Variants in TNFAIP8 observed in about 807,000 individuals in gnomAD.
The protein encoded by TNFAIP8 is TNF alpha induced protein 8, also known as tumor necrosis factor alpha-induced protein 8.
A neutral mutation model predicts 13.3 loss-of-function variants in TNFAIP8; 7 were observed. The observed-to-expected ratio is 0.52, with a 90% confidence interval of 0.30 to 0.99. The LOEUF (loss-of-function observed/expected upper bound fraction) is 0.99. Ranked by LOEUF, TNFAIP8 falls within the 50% of genes least tolerant of loss-of-function variation. The probability of loss-of-function intolerance (pLI) is 0.07; values close to 1 mark genes in which losing one functional copy is unlikely to be tolerated. For missense variants in TNFAIP8, 258 were observed against 236.9 expected, an observed-to-expected ratio of 1.09 and a Z score of -0.58; for synonymous variants, 94 against 87.6, an observed-to-expected ratio of 1.07 and a Z score of -0.41.
chr5:119,305,513 T>A (rs1749522913), intron 1 of TNFAIP8, among the ~76,000 whole-genome samples: 1 of 150,396 alleles, frequency 6.6e-6, no homozygotes, highest in African/African-American at 2.5e-5. Flanking sequence ...GAGGATCACA[T>A]GAGCCCAGGA....
rs59714206 is a variant in TNFAIP8, at chr5:119,334,624, C to CGTGTGTGTGT, written c.2-58165_2-58156dup. Among the ~76,000 whole-genome samples, 996 of 135,766 alleles carry CGTGTGTGTGT rather than the reference C, an allele frequency of 7.3e-3. 13 individuals carry two copies. Among genetic ancestry groups the CGTGTGTGTGT allele is most frequent in the East Asian group, 0.032 (149 of 4,706 alleles). The allele number at this position is 135,766 out of a possible 152,430, so 89.1% of individuals were successfully genotyped here. The stretch of plus-strand genomic sequence containing the variant: ...CCTAGAGCTGTGCATGTGATCCTTT[C>CGTGTGTGTGT]GTGTGTGTGTGTGTGTGTGTGTGTG... On this transcript the variant is annotated intron_variant, in intron 1 of 1. Coordinates refer to the TNFAIP8 transcript ENST00000274456.
At chr5:119,297,629 G>A (rs1281498996) in intron 1 of TNFAIP8, among the ~76,000 whole-genome samples, 6 of 152,178 alleles carry the variant, frequency 3.9e-5, no homozygotes, top group Non-Finnish European at 7.3e-5. Context: ...GGTCCGCTTG[G>A]TGCAGAGCTG....
chr5:119,336,810 A>G (rs1750565098), intron 1 of TNFAIP8, among the ~76,000 whole-genome samples: 1 of 152,240 alleles, frequency 6.6e-6, no homozygotes, highest in Non-Finnish European at 1.5e-5. Flanking sequence ...AATGTTATTT[A>G]AAATGAATTT....
chr5:119,331,007 G>T (rs1750359520), intron 1 of TNFAIP8, among the ~76,000 whole-genome samples: 1 of 152,032 alleles, frequency 6.6e-6, no homozygotes, highest in Non-Finnish European at 1.5e-5. Context: ...CTTTCACGAA[G>T]CTAGGCCTGG....
At chr5:119,320,702 C>T (rs1464795741) in intron 1 of TNFAIP8, among the ~76,000 whole-genome samples, 1 of 150,584 alleles carries the variant, frequency 6.6e-6, no homozygotes, top group Non-Finnish European at 1.5e-5. Context: ...CTTGTAACCA[C>T]CCCCACCCCC....
At chr5:119,301,621 C>G (rs980697505) in intron 1 of TNFAIP8, among the ~76,000 whole-genome samples, 1 of 152,170 alleles carries the variant, frequency 6.6e-6, no homozygotes, top group Non-Finnish European at 1.5e-5. Flanking sequence ...GGTAGGCCCT[C>G]AGGGAATATG....
intron 1 of TNFAIP8, among the ~76,000 whole-genome samples, chr5:119,346,732 A>T (rs1750912921): frequency 6.6e-6 from 1 of 152,232 alleles, no homozygotes; most frequent in Non-Finnish European, 1.5e-5. Flanking sequence ...CATTCATGCA[A>T]GCATCTGAGA....
At chr5:119,330,770 A>C (rs898218900) in intron 1 of TNFAIP8, among the ~76,000 whole-genome samples, 1 of 152,112 alleles carries the variant, frequency 6.6e-6, no homozygotes, top group African/African-American at 2.4e-5. Context: ...GTGTTTGCAG[A>C]GAGATAGAGA....
intron 1 of TNFAIP8, among the ~76,000 whole-genome samples, chr5:119,381,770 T>G (rs1752494319): frequency 6.6e-6 from 1 of 151,862 alleles, no homozygotes; most frequent in Non-Finnish European, 1.5e-5. Context: ...CCGTCTCTAC[T>G]AAAAATACAA....
chr5:119,383,753 A>G (rs150364604), intron 1 of TNFAIP8, among the ~76,000 whole-genome samples: 23 of 152,366 alleles, frequency 1.5e-4, no homozygotes, highest in African/African-American at 5.5e-4. Flanking sequence ...GGTGGCAAAG[A>G]TGAGAAAGAG....
chr5:119,310,457 G>T (rs2078292146), intron 1 of TNFAIP8, among the ~76,000 whole-genome samples: 2 of 152,354 alleles, frequency 1.3e-5, no homozygotes, highest in Middle Eastern at 3.4e-3. Flanking sequence ...TCACGGTAGG[G>T]ACAAGGAAGA....
At chr5:119,375,271 C>T (rs1419636606) in intron 1 of TNFAIP8, among the ~76,000 whole-genome samples, 2 of 152,154 alleles carry the variant, frequency 1.3e-5, no homozygotes, top group Non-Finnish European at 2.9e-5. Context: ...TGTTTTTCTT[C>T]CTGTGGTCTC....
upstream of TNFAIP8, among the ~76,000 whole-genome samples, chr5:119,351,788 C>CTTTTTTTT (rs1177061965): frequency 2.0e-3 from 283 of 138,238 alleles, 4 homozygotes; most frequent in African/African-American, 8.1e-3. Flanking sequence ...TTTTCTTTTT[C>CTTTTTTTT]TTTTTTTCTT....
At chr5:119,278,368 AGAGAGAGAGTGTGTGT>A (rs1460721511) in intron 1 of TNFAIP8, among the ~76,000 whole-genome samples, 273 of 135,472 alleles carry the variant, frequency 2.0e-3, no homozygotes, top group African/African-American at 7.3e-3. Context: ...AGAGAGAGAG[AGAGAGAGAGTGTGTGT>A]GTGTGTGTGT....
intron 1 of TNFAIP8, among the ~76,000 whole-genome samples, chr5:119,275,451 G>A (rs1428335483): frequency 6.6e-6 from 1 of 152,198 alleles, no homozygotes; most frequent in South Asian, 2.1e-4. Context: ...AGCGGCGCAT[G>A]TTTGGAAGAG....
chr5:119,355,393 G>A (rs1199825653), upstream of TNFAIP8: 1 of 702,314 alleles, frequency 1.4e-6, no homozygotes, highest in South Asian at 1.5e-5. Context: ...CTGTGCAAAG[G>A]TAAGGGTGGA....
At chr5:119,288,288 T>G (rs1411594810) in intron 1 of TNFAIP8, among the ~76,000 whole-genome samples, 1 of 152,192 alleles carries the variant, frequency 6.6e-6, no homozygotes, top group Non-Finnish European at 1.5e-5. Flanking sequence ...AATGAAACAA[T>G]TGGAGTTCAG....
chr5:119,334,711 T>G (rs1409136246), intron 1 of TNFAIP8, among the ~76,000 whole-genome samples: 1 of 150,050 alleles, frequency 6.7e-6, no homozygotes, highest in East Asian at 2.0e-4. Flanking sequence ...GAGGTGGAGA[T>G]TTCAGTGAGC....
chr5:119,349,357 CATT>C lies in TNFAIP8; in HGVS notation c.2-43456_2-43454del, dbSNP rs533156369. Among the ~76,000 whole-genome samples, 140 of 152,326 alleles carry C rather than the reference CATT, an allele frequency of 9.2e-4. 1 individual carries two copies. The highest frequency in any genetic ancestry group is 3.3e-3 in the African/African-American group (136 of 41,588). On this transcript the variant is annotated intron_variant, in intron 1 of 1. Coordinates refer to the TNFAIP8 transcript ENST00000274456. ...CCATCATGTTCTTTACTCATTTCAT[CATT>C]ATAACAACCCTGTTAAATAAGTGAC...
Sources: gnomAD v4.1 joint callset for allele counts (sites outside exome capture counted in the v4.1 genomes callset) on GRCh38, gnomAD v4.1.1 for gene constraint, MANE v1.5 for transcripts, NCBI Gene and HGNC (gene_info 2026-07-23, HGNC 2026-07-21) for gene names.